The following CLVS1 variants were observed in gnomAD, a reference collection of about 807,000 sequenced individuals.
CLVS1 encodes clavesin-1.
CLVS1 carries 10 observed loss-of-function variants against 33.1 expected under a neutral mutation model. That is an observed-to-expected ratio of 0.30 (90% CI 0.19 to 0.51). The LOEUF (loss-of-function observed/expected upper bound fraction) is 0.51. Among genes scored for constraint, CLVS1 ranks in the 20% least tolerant of loss-of-function variants. CLVS1 has a pLI of 0.97. For missense variants in CLVS1, 343 were observed against 433.4 expected, an observed-to-expected ratio of 0.79 and a Z score of 1.85; for synonymous variants, 163 against 166.1, an observed-to-expected ratio of 0.98 and a Z score of 0.14.
chr8:61,389,770 C>T (rs527914807), intron 3 of CLVS1, among the ~76,000 whole-genome samples: 1 of 152,152 alleles, frequency 6.6e-6, no homozygotes, highest in South Asian at 2.1e-4. Context: ...GAAGCCAGCA[C>T]GGAAGTGCAT....
At chr8:61,163,826 G>A (rs1806798123) in intron 2 of CLVS1, among the ~76,000 whole-genome samples, 2 of 152,194 alleles carry the variant, frequency 1.3e-5, no homozygotes, top group South Asian at 2.1e-4. Context: ...GATCAGAAAC[G>A]CAGCAGACAC....
chr8:61,469,020 G>A (rs73685058), intron 5 of CLVS1, among the ~76,000 whole-genome samples: 2,737 of 152,262 alleles, frequency 0.018, 64 homozygotes, highest in African/African-American at 0.058. Flanking sequence ...AGCAGAGGTG[G>A]AGTGACCTCG....
chr8:61,162,439 T>C (rs1806771773), intron 2 of CLVS1, among the ~76,000 whole-genome samples: 1 of 152,238 alleles, frequency 6.6e-6, no homozygotes, highest in African/African-American at 2.4e-5. Flanking sequence ...CTTGCTCCTT[T>C]GGAATCTGCA....
chr8:61,135,127 A>G (rs973174082), intron 2 of CLVS1, among the ~76,000 whole-genome samples: 1 of 151,762 alleles, frequency 6.6e-6, no homozygotes, highest in Admixed American at 6.6e-5. Context: ...TCTGATCTAG[A>G]AAGCCAAAAA....
intron 1 of CLVS1, among the ~76,000 whole-genome samples, chr8:61,072,787 T>A (rs925390460): frequency 1.3e-5 from 2 of 152,244 alleles, no homozygotes; most frequent in Non-Finnish European, 2.9e-5. Context: ...CATAAGTATA[T>A]GTTTGCTAGA....
At chr8:61,286,000 T>C (rs558645248), upstream of CLVS1, among the ~76,000 whole-genome samples, 2 of 150,162 alleles carry the variant, frequency 1.3e-5, no homozygotes, top group East Asian at 1.9e-4. Flanking sequence ...CTGTCATTAA[T>C]ATTTCTATGA....
intron 2 of CLVS1, among the ~76,000 whole-genome samples, chr8:61,357,880 A>T (rs1812808032): frequency 6.6e-6 from 1 of 152,100 alleles, no homozygotes; most frequent in Non-Finnish European, 1.5e-5. Flanking sequence ...CTTAATAAAA[A>T]GTTGCTGGAA....
At chr8:61,332,007 C>T (rs571616393) in intron 2 of CLVS1, among the ~76,000 whole-genome samples, 4 of 152,312 alleles carry the variant, frequency 2.6e-5, no homozygotes, top group South Asian at 2.1e-4. Context: ...GTTCTGCCAA[C>T]TCTTGAGGTT....
At chr8:61,449,085 C>G (rs1208746827) in intron 3 of CLVS1, among the ~76,000 whole-genome samples, 1 of 151,948 alleles carries the variant, frequency 6.6e-6, no homozygotes, top group Non-Finnish European at 1.5e-5. Flanking sequence ...GGTGTGCTGC[C>G]TCATCATTAC....
chr8:61,254,434 C>G (rs1480335669), intron 2 of CLVS1, among the ~76,000 whole-genome samples: 1 of 152,204 alleles, frequency 6.6e-6, no homozygotes, highest in East Asian at 1.9e-4. Context: ...AGATCCACTA[C>G]TCTCTTCAAA....
At chr8:61,139,542 G>A (rs1353168369) in intron 2 of CLVS1, among the ~76,000 whole-genome samples, 1 of 152,202 alleles carries the variant, frequency 6.6e-6, no homozygotes, top group African/African-American at 2.4e-5. Flanking sequence ...GGGCGTCAGG[G>A]GACCGAGCGG....
chr8:60,968,231 C>T, the CLVS1 span, among the ~76,000 whole-genome samples: 4 of 150,168 alleles, frequency 2.7e-5, no homozygotes, highest in East Asian at 4.2e-4. Flanking sequence ...TGTGCAAGGC[C>T]GGGCGCAGTG....
chr8:61,056,476 G>A (rs1033847801), upstream of CLVS1, among the ~76,000 whole-genome samples: 2 of 152,094 alleles, frequency 1.3e-5, no homozygotes, highest in Non-Finnish European at 1.5e-5. Flanking sequence ...AAAGTGACAG[G>A]CTTCACACCA....
chr8:61,097,309 T>A (rs888195337), intron 1 of CLVS1, among the ~76,000 whole-genome samples: 12 of 151,830 alleles, frequency 7.9e-5, no homozygotes, highest in Non-Finnish European at 1.6e-4. Context: ...AATAAAAAAA[T>A]TAAATTAATT....
At chr8:61,242,383 T>A (rs972822266) in intron 2 of CLVS1, among the ~76,000 whole-genome samples, 1 of 152,202 alleles carries the variant, frequency 6.6e-6, no homozygotes, top group South Asian at 2.1e-4. Flanking sequence ...TCTGTACATT[T>A]ACCTTCACGT....
intron 5 of CLVS1, among the ~76,000 whole-genome samples, chr8:61,471,006 A>C (rs1817717200): frequency 6.6e-6 from 1 of 152,168 alleles, no homozygotes; most frequent in South Asian, 2.1e-4. Context: ...TGTTCATGAT[A>C]GGCCTCCAGG....
At chr8:61,063,893 C>T (rs909563666) in intron 1 of CLVS1, among the ~76,000 whole-genome samples, 1 of 152,148 alleles carries the variant, frequency 6.6e-6, no homozygotes, top group Non-Finnish European at 1.5e-5. Flanking sequence ...TTCTCCATTC[C>T]CCAGCCTCTG....
intron 2 of CLVS1, among the ~76,000 whole-genome samples, chr8:61,375,623 C>T (rs773965286): frequency 1.1e-4 from 17 of 152,112 alleles, no homozygotes; most frequent in Non-Finnish European, 2.5e-4. Context: ...TTGGAATGCT[C>T]AAGATTCTGA....
chr8:61,406,580 A>G (rs16927287), intron 3 of CLVS1, among the ~76,000 whole-genome samples: 4,876 of 151,594 alleles, frequency 0.032, 218 homozygotes, highest in African/African-American at 0.11. Context: ...ATTAATTCAC[A>G]TGATTCCAGG....
Sources: allele counts gnomAD v4.1 joint callset (sites outside exome capture counted in the v4.1 genomes callset), GRCh38; gene constraint gnomAD v4.1.1; transcripts MANE v1.5; gene names NCBI Gene and HGNC (gene_info 2026-07-23, HGNC 2026-07-21).